TAX1BP1: variants seen among roughly 807,000 people sequenced by gnomAD.
TAX1BP1 encodes the protein tax1-binding protein 1.
TAX1BP1 carries 62 observed loss-of-function variants against 97.7 expected under a neutral mutation model. The observed-to-expected ratio is 0.63, with a 90% confidence interval of 0.52 to 0.78. The LOEUF (loss-of-function observed/expected upper bound fraction) is 0.78. Among genes scored for constraint, TAX1BP1 ranks in the 30% least tolerant of loss-of-function variants. The probability of loss-of-function intolerance (pLI) is 0.00; values close to 1 mark genes in which losing one functional copy is unlikely to be tolerated. For synonymous variants in TAX1BP1, 340 were observed against 304.2 expected, an observed-to-expected ratio of 1.12 and a Z score of -1.23; for missense variants, 867 against 916.1, an observed-to-expected ratio of 0.95 and a Z score of 0.69.
At chr7:27,825,263 C>T (rs1253816026) in intron 15 of TAX1BP1, among the ~76,000 whole-genome samples, 1 of 150,768 alleles carries the variant, frequency 6.6e-6, no homozygotes, top group Non-Finnish European at 1.5e-5. Flanking sequence ...TGTCAGTCGG[C>T]CTGCTTTAAA....
At chr7:27,772,545 T>C (rs2128313215) in intron 5 of TAX1BP1, 1 of 152,076 alleles carries the variant, frequency 6.6e-6, no homozygotes, top group Admixed American at 6.6e-5. Context: ...TATTCCATAC[T>C]TGACAAAAAA....
chr7:27,823,230 A>G (rs879530112), intron 15 of TAX1BP1, among the ~76,000 whole-genome samples: 3 of 152,174 alleles, frequency 2.0e-5, no homozygotes, highest in African/African-American at 4.8e-5. Flanking sequence ...TAGTAATACA[A>G]AGTTTTGAGG....
At chr7:27,749,581 T>G (rs182646924) in intron 2 of TAX1BP1, among the ~76,000 whole-genome samples, 3 of 152,344 alleles carry the variant, frequency 2.0e-5, no homozygotes, top group Admixed American at 2.0e-4. Context: ...AAGTCCAGCC[T>G]GACGGGAAGG....
chr7:27,806,157 C>G (rs541493766), intron 13 of TAX1BP1, among the ~76,000 whole-genome samples: 1 of 151,238 alleles, frequency 6.6e-6, no homozygotes, highest in East Asian at 2.0e-4. Context: ...ACTAGCTCGA[C>G]TCACTACAAC....
chr7:27,816,486 A>G lies in TAX1BP1; in HGVS notation c.1902A>G (p.Gln634=), dbSNP rs747121513. ...LTLSNAQPVL[Q]YGNPYASQET... ...TGTCAAATGCACAACCAGTTCTGCAATATGGTAATCCTTATGCATCTCAGG... is the reference window on the plus strand; with the variant it reads ...TGTCAAATGCACAACCAGTTCTGCAGTATGGTAATCCTTATGCATCTCAGG... Residue 634 remains glutamine, a synonymous_variant, in exon 14 of 17, where the codon CAA becomes CAG. Transcript: ENST00000396319. 15 of 1,560,242 alleles carry G rather than the reference A, an allele frequency of 9.6e-6. No individual in the cohort carries two copies. Among genetic ancestry groups the G allele is most frequent in the South Asian group, 1.2e-5 (1 of 80,254 alleles).
chr7:27,827,680 A>C, intron 15 of TAX1BP1, 58 bp from the exon 16 acceptor site: 1 of 1,424,648 alleles, frequency 7.0e-7, no homozygotes, highest in Non-Finnish European at 9.9e-7. Flanking sequence ...TGATTGAATT[A>C]AGGAATTTAT....
At chr7:27,823,585 T>TA (rs1334498230) in intron 15 of TAX1BP1, among the ~76,000 whole-genome samples, 1 of 152,204 alleles carries the variant, frequency 6.6e-6, no homozygotes, top group Admixed American at 6.5e-5. Flanking sequence ...TACCCCTGAG[T>TA]ATGTATTGCC....
chr7:27,814,012 G>T (rs35182906), intron 13 of TAX1BP1, among the ~76,000 whole-genome samples: 1 of 151,480 alleles, frequency 6.6e-6, no homozygotes, highest in African/African-American at 2.4e-5. Context: ...CTTACAGCAG[G>T]TTGAAAGAAA....
chr7:27,760,478 C>G, intron 3 of TAX1BP1, among the ~76,000 whole-genome samples: 1 of 151,152 alleles, frequency 6.6e-6, no homozygotes, highest in Non-Finnish European at 1.5e-5. Flanking sequence ...TTGCAAGCTC[C>G]GCCTCCTTAG....
At chr7:27,814,796 C>T (rs190294371) in intron 13 of TAX1BP1, among the ~76,000 whole-genome samples, 9 of 151,798 alleles carry the variant, frequency 5.9e-5, no homozygotes, top group Admixed American at 2.0e-4. Flanking sequence ...AGTGCAGTGG[C>T]GCGATCTCGG....
intron 9 of TAX1BP1, 43 bp downstream of exon 9, chr7:27,792,273 C>A: frequency 1.3e-6 from 2 of 1,488,504 alleles, no homozygotes; most frequent in Non-Finnish European, 9.2e-7. Context: ...ATTTAAGAAA[C>A]CACTATAATC....
At chr7:27,760,909 G>T (rs1205336826) in intron 3 of TAX1BP1, among the ~76,000 whole-genome samples, 3 of 152,162 alleles carry the variant, frequency 2.0e-5, no homozygotes, top group African/African-American at 7.2e-5. Flanking sequence ...TGATTTAATT[G>T]GTCTGTGGTA....
At chr7:27,771,138 T>A (rs1788833244) in intron 5 of TAX1BP1, among the ~76,000 whole-genome samples, 1 of 146,034 alleles carries the variant, frequency 6.8e-6, no homozygotes, top group African/African-American at 2.5e-5. Context: ...TTTACTCATT[T>A]GTTGTAATTC....
At chr7:27,793,245 G>A (rs766884334) in intron 10 of TAX1BP1, 33 bp downstream of exon 10, 2 of 1,509,506 alleles carry the variant, frequency 1.3e-6, no homozygotes, top group Admixed American at 5.1e-5. Flanking sequence ...ATAGTAAAAT[G>A]TGTTGTTAGT....
intron 15 of TAX1BP1, among the ~76,000 whole-genome samples, chr7:27,827,101 C>T (rs1042938780): frequency 2.0e-5 from 3 of 152,172 alleles, no homozygotes; most frequent in African/African-American, 7.2e-5. Context: ...CCTGAAATCC[C>T]GGCACTTTGA....
At chr7:27,787,917 T>C (rs565486241) in intron 8 of TAX1BP1, among the ~76,000 whole-genome samples, 1 of 152,216 alleles carries the variant, frequency 6.6e-6, no homozygotes, top group East Asian at 1.9e-4. Flanking sequence ...GACACCGTTA[T>C]TACACCTAAG....
At chr7:27,814,731 C>G (rs940523678) in intron 13 of TAX1BP1, among the ~76,000 whole-genome samples, 2 of 139,054 alleles carry the variant, frequency 1.4e-5, no homozygotes, top group Admixed American at 1.5e-4. Context: ...ATTATTTACA[C>G]TCATTTTTCT....
chr7:27,822,300 C>T (rs1021903604), intron 15 of TAX1BP1, among the ~76,000 whole-genome samples: 18 of 152,254 alleles, frequency 1.2e-4, no homozygotes, highest in East Asian at 5.8e-4. Context: ...CTATGGCATA[C>T]GTGCTTTTGT....
intron 13 of TAX1BP1, among the ~76,000 whole-genome samples, chr7:27,802,574 A>C (rs1790182414): frequency 6.6e-6 from 1 of 152,216 alleles, no homozygotes; most frequent in Admixed American, 6.5e-5. Flanking sequence ...GAAAAGGAAA[A>C]AGTATTCCAA....
Sources: allele counts gnomAD v4.1 joint callset (sites outside exome capture counted in the v4.1 genomes callset), GRCh38; gene constraint gnomAD v4.1.1; transcripts MANE v1.5; gene names NCBI Gene and HGNC (gene_info 2026-07-23, HGNC 2026-07-21).